Variants in RENBP observed in about 807,000 individuals in gnomAD.
RENBP encodes the protein N-acylglucosamine 2-epimerase.
A neutral mutation model predicts 37.8 loss-of-function variants in RENBP; 16 were observed. The observed-to-expected ratio is 0.42, with a 90% confidence interval of 0.29 to 0.64. The LOEUF (loss-of-function observed/expected upper bound fraction) is 0.64. RENBP is among the 30% of genes least tolerant of loss of function. The pLI, the probability that RENBP is intolerant of heterozygous loss-of-function variation, is 0.19. For missense variants in RENBP, 347 were observed against 379.5 expected, an observed-to-expected ratio of 0.91 and a Z score of 0.71; for synonymous variants, 170 against 154.8, an observed-to-expected ratio of 1.10 and a Z score of -0.73.
rs782506926 is a variant in RENBP, at chrX:153,942,878, G to C, written c.664C>G (p.Arg222Gly). ...KYAELGDWCARRILQHVQRDG... is the reference protein window; with the variant it reads ...KYAELGDWCAGRILQHVQRDG... ...ACCTGCACGTGCTGCAGAATCCTCC[G>C]GGCGCACCAGTCCCCCAGCTCTGCG... Residue 222 changes from arginine to glycine, a missense_variant, in exon 6 of 11, where the codon CGG becomes GGG. This residue lies in a region of RENBP where 244 missense variants were observed against 279.4 expected (regional missense o/e 0.87). Transcript: ENST00000393700. 6.7e-6 allele frequency: 8 copies of C among 1,193,763 alleles called. No homozygotes were observed. Among genetic ancestry groups the C allele is most frequent in the Non-Finnish European group, 9.0e-6 (8 of 884,522 alleles).
At chrX:153,939,909 C>T (rs1411263127) in intron 9 of RENBP, among the ~76,000 whole-genome samples, 193 bp downstream of exon 9, 1 of 109,547 alleles carries the variant, frequency 9.1e-6, no homozygotes, top group African/African-American at 3.3e-5. Context: ...CTGCTCCTCC[C>T]GCCCCCACCA....
At chrX:153,939,966 C>A in intron 9 of RENBP, 136 bp downstream of exon 9, 1 of 811,921 alleles carries the variant, frequency 1.2e-6, no homozygotes, top group Non-Finnish European at 1.8e-6. Context: ...GTTGACTGAA[C>A]GAACAGCACT....
At chrX:153,942,756 C>CACCTGGG in intron 6 of RENBP, 99 bp downstream of exon 6, 2 of 719,559 alleles carry the variant, frequency 2.8e-6, no homozygotes, top group South Asian at 4.7e-5. Context: ...GGGACATCCC[C>CACCTGGG]GAATCTCTGT....
chrX:153,943,844 G>T, intron 4 of RENBP, 51 bp downstream of exon 4: 2 of 1,162,686 alleles, frequency 1.7e-6, no homozygotes, highest in Non-Finnish European at 2.3e-6. Context: ...GTGCCCTGTT[G>T]AGTAAACATG....
chrX:153,944,125 C>G lies in RENBP; in HGVS notation c.168G>C (p.Gly56=). The G allele has an allele frequency of 8.3e-7, 1 of 1,211,106 alleles. No individual in the cohort carries two copies. Among genetic ancestry groups the G allele is most frequent in the Non-Finnish European group, 1.1e-6 (1 of 895,272 alleles). ...CATACTTGAGGTCATCATACACCCG[C>G]CCCTCGCGGCCAAGGCACGTGAAGA... ...GGFFTCLGRE[G]RVYDDLKYVW... The change falls in exon 3 of 11, where the codon GGG becomes GGC. Residue 56 remains glycine, a synonymous_variant. Transcript: ENST00000393700.
At chrX:153,940,674 C>T (rs1413788017) in intron 8 of RENBP, among the ~76,000 whole-genome samples, 1 of 111,402 alleles carries the variant, frequency 9.0e-6, no homozygotes, top group Admixed American at 9.5e-5. Flanking sequence ...GTAAAGGAGC[C>T]GGCCAAAACC....
At chrX:153,939,313 C>T (rs1251553810) in intron 9 of RENBP, among the ~76,000 whole-genome samples, 1 of 111,888 alleles carries the variant, frequency 8.9e-6, no homozygotes, top group Admixed American at 9.4e-5. Flanking sequence ...TTTTGAAGTC[C>T]TCGGTTCAAG....
At position 153,935,407 on chromosome X, in the gene RENBP, G is replaced by C; in HGVS notation, c.1166-3C>G. The stretch of plus-strand genomic sequence containing the variant: ...GCACCGCGGCACGTGGAAGCAGCCT[G>C]CGGGTAGAGGCGGGCAGGTAGTGAG... On this transcript the variant is annotated splice_region_variant and splice_polypyrimidine_tract_variant and intron_variant, in intron 10 of 10. Coordinates refer to ENST00000393700, the MANE Select transcript of RENBP (RefSeq NM_002910.6). 8.8e-7 allele frequency: 1 copy of C among 1,138,920 alleles called. No homozygotes were observed. Among genetic ancestry groups the C allele is most frequent in the African/African-American group, 1.8e-5 (1 of 55,788 alleles). 93.9% of individuals were successfully genotyped at this position (1,138,920 alleles called of 1,213,427 possible). A position where few individuals can be genotyped will look rare whatever the true frequency, so the allele number is the denominator to read the frequency against.
At position 153,943,637 on chromosome X, in the gene RENBP, G is replaced by T; in HGVS notation, c.371C>A (p.Pro124Gln). 1 of 1,211,425 alleles carries T rather than the reference G, an allele frequency of 8.3e-7. No individual in the cohort carries two copies. Among genetic ancestry groups the T allele is most frequent in the Non-Finnish European group, 1.1e-6 (1 of 895,383 alleles). Residue 124 changes from proline to glutamine, a missense_variant, in exon 5 of 11, where the codon CCG (proline) becomes CAG (glutamine). Around this residue, in one of 3 missense-constraint regions of RENBP, gnomAD observed 244 missense variants for 279.4 expected, o/e 0.87. Transcript: ENST00000393700. ...CAFVLTRDGR[P>Q]VKVQRTIFSE... ...GAAGATGGTTCGCTGCACCTTGACC[G>T]GGCGGCCGTCCCGAGTCAGCACAAA...
At position 153,938,752 on chromosome X, in the gene RENBP, T is replaced by C. The variant is rs373152152; in HGVS notation, c.1077+1350A>G. Among the ~76,000 whole-genome samples the C allele has an allele frequency of 3.0e-3, 324 of 107,732 alleles. 2 individuals carry two copies. The highest frequency in any genetic ancestry group is 4.9e-3 in the Admixed American group (48 of 9,861). The allele number at this position is 107,732 out of a possible 115,157, so 93.6% of individuals were successfully genotyped here. On this transcript the variant is annotated intron_variant, in intron 9 of 10. Coordinates refer to ENST00000393700, the MANE Select transcript of RENBP (RefSeq NM_002910.6). ...TTTGCTGGGCCCCCATTTCCCTTTT[T>C]GCCTCATAGATCTCAGCAGCATCTG...
At chrX:153,937,562 C>T (rs1469329352) in intron 9 of RENBP, among the ~76,000 whole-genome samples, 5 of 111,258 alleles carry the variant, frequency 4.5e-5, no homozygotes, top group African/African-American at 1.3e-4. Flanking sequence ...CTGCTTCAGC[C>T]TCCTGAGTAG....
intron 6 of RENBP, 199 bp from the exon 7 acceptor site, chrX:153,942,230 GT>G (rs782716689): frequency 0.025 from 2,294 of 93,252 alleles, 2 homozygotes; most frequent in Middle Eastern, 0.03. Flanking sequence ...GCAAGTTGTT[GT>G]TTTTTTTTTT....
intron 9 of RENBP, among the ~76,000 whole-genome samples, chrX:153,939,076 G>A (rs1363890697): frequency 9.2e-6 from 1 of 108,987 alleles, no homozygotes; most frequent in East Asian, 2.9e-4. Context: ...TTACAGGCGT[G>A]AGCCACCGTG....
In RENBP at chrX:153,943,083, G is replaced by A. The variant is rs937339869; in HGVS notation, c.463-4C>T. 1.8e-6 allele frequency: 2 copies of A among 1,140,560 alleles called. No individual in the cohort carries two copies. Among genetic ancestry groups the A allele is most frequent in the South Asian group, 4.1e-5 (2 of 49,122 alleles). 94.0% of individuals were successfully genotyped at this position (1,140,560 alleles called of 1,213,427 possible). A position where few individuals can be genotyped will look rare whatever the true frequency, so the allele number is the denominator to read the frequency against. On this transcript the variant is annotated splice_polypyrimidine_tract_variant and splice_region_variant and intron_variant, in intron 5 of 10. Transcript: ENST00000393700. ...CCATCATCTCCACCGCTTCCGTCTG[G>A]GGGTGCAGGAGGCAAGGGGAGGCCC...
intron 5 of RENBP, 66 bp from the exon 6 acceptor site, chrX:153,943,145 C>T (rs2065235030): frequency 1.0e-5 from 9 of 860,593 alleles, no homozygotes; most frequent in African/African-American, 2.1e-5. Flanking sequence ...CCCCTGGACA[C>T]GGCCCTGGGG....
At position 153,943,098 on chromosome X, in the gene RENBP, A is replaced by C. The variant is rs782397270; in HGVS notation, c.463-19T>G. ...CTTCCGTCTGGGGGTGCAGGAGGCA[A>C]GGGGAGGCCCAGGCTGAGGCTACAT... On this transcript the variant is annotated intron_variant, in intron 5 of 10. Coordinates refer to ENST00000393700, the MANE Select transcript of RENBP (RefSeq NM_002910.6). 3 of 1,089,899 alleles carry C rather than the reference A, an allele frequency of 2.8e-6. No individual in the cohort carries two copies. In the East Asian group the frequency reaches 9.5e-5, roughly 34 times the overall value. The allele number at this position is 1,089,899 out of a possible 1,213,427, so 89.8% of individuals were successfully genotyped here. A position where few individuals can be genotyped will look rare whatever the true frequency, so the allele number is the denominator to read the frequency against.
intron 2 of RENBP, 64 bp downstream of exon 2, chrX:153,944,245 G>T: frequency 8.6e-7 from 1 of 1,163,374 alleles, no homozygotes; most frequent in Non-Finnish European, 1.2e-6. Flanking sequence ...AGGTGCCTGA[G>T]AGTGAGAAGG....
intron 9 of RENBP, 55 bp downstream of exon 9, chrX:153,940,047 G>C: frequency 8.4e-7 from 1 of 1,193,701 alleles, no homozygotes; most frequent in Non-Finnish European, 1.1e-6. Flanking sequence ...AGCCGGGCCA[G>C]ACTCCCCCCA....
Position 153,942,110 on chromosome X carries a change from C to T in RENBP, c.688-79G>A, listed in dbSNP as rs1207923789. On this transcript the variant is annotated intron_variant, in intron 6 of 10. Coordinates refer to ENST00000393700, the MANE Select transcript of RENBP (RefSeq NM_002910.6). ...CCACCCAACTAGAAAGACCCAGCTC[C>T]GGAAAGCCCTTCCTCCCTCCCTCTT... 17 of 814,526 alleles carry T rather than the reference C, an allele frequency of 2.1e-5. No homozygotes were observed. The East Asian group carries it at 3.2e-4, about 15-fold the overall frequency. The allele number at this position is 814,526 out of a possible 1,213,427, so 67.1% of individuals were successfully genotyped here. A position where few individuals can be genotyped will look rare whatever the true frequency, so the allele number is the denominator to read the frequency against.
Sources: allele counts gnomAD v4.1 joint callset (sites outside exome capture counted in the v4.1 genomes callset), GRCh38; gene constraint gnomAD v4.1.1; regional missense constraint gnomAD v4.1.1; transcripts MANE v1.5; gene names NCBI Gene and HGNC (gene_info 2026-07-23, HGNC 2026-07-21).